The following UBTD1 variants were observed in gnomAD, a reference collection of about 807,000 sequenced individuals.
UBTD1 encodes the protein ubiquitin domain-containing protein 1.
Under a neutral mutation model 21.7 loss-of-function variants are expected in UBTD1, and 19 were observed. That is an observed-to-expected ratio of 0.87 (90% CI 0.61 to 1.28). The LOEUF is 1.28. Ranked by LOEUF, UBTD1 falls within the 50% of genes most tolerant of loss-of-function variation. The pLI, the probability that UBTD1 is intolerant of heterozygous loss-of-function variation, is 0.00. For missense variants in UBTD1, 282 were observed against 315.1 expected, an observed-to-expected ratio of 0.89 and a Z score of 0.80; for synonymous variants, 116 against 135.1, an observed-to-expected ratio of 0.86 and a Z score of 0.98.
intron 1 of UBTD1, among the ~76,000 whole-genome samples, chr10:97,528,879 C>T (rs1248302939): frequency 6.3e-5 from 9 of 143,600 alleles, no homozygotes; most frequent in Non-Finnish European, 9.2e-5. Context: ...CCGGATGGGG[C>T]GGCTGGCCGG....
chr10:97,544,204 A>C (rs557357573), intron 1 of UBTD1, among the ~76,000 whole-genome samples: 169 of 151,962 alleles, frequency 1.1e-3, no homozygotes, highest in African/African-American at 4.0e-3. Context: ...GAGGCAGGAG[A>C]ATCTCTTGAA....
chr10:97,546,363 C>T (rs1439883367), intron 1 of UBTD1, among the ~76,000 whole-genome samples: 3 of 151,830 alleles, frequency 2.0e-5, no homozygotes, highest in Non-Finnish European at 2.9e-5. Flanking sequence ...CTGAAGTGGG[C>T]GGATCACTTG....
chr10:97,503,066 ACCACCACGCCC>A (rs2040384091), intron 1 of UBTD1, among the ~76,000 whole-genome samples: 1 of 151,790 alleles, frequency 6.6e-6, no homozygotes, highest in Non-Finnish European at 1.5e-5. Flanking sequence ...AGAGGTGTGC[ACCACCACGCCC>A]AGCTAACTTT....
intron 1 of UBTD1, among the ~76,000 whole-genome samples, chr10:97,564,940 G>A (rs1168348637): frequency 6.6e-6 from 1 of 152,142 alleles, no homozygotes; most frequent in East Asian, 1.9e-4. Context: ...TCAACCAATT[G>A]CCAACCAGAA....
At chr10:97,500,982 C>T (rs1023000096) in intron 1 of UBTD1, among the ~76,000 whole-genome samples, 18 of 152,242 alleles carry the variant, frequency 1.2e-4, no homozygotes, top group African/African-American at 4.1e-4. Context: ...CTCTTATGTT[C>T]TTCCAGCTGC....
chr10:97,540,603 C>T (rs2040582908), intron 1 of UBTD1, among the ~76,000 whole-genome samples: 1 of 152,222 alleles, frequency 6.6e-6, no homozygotes, highest in East Asian at 1.9e-4. Flanking sequence ...TTATTAGCCC[C>T]ATTTTCTAGA....
At chr10:97,544,099 T>A (rs1160510036) in intron 1 of UBTD1, among the ~76,000 whole-genome samples, 1 of 151,984 alleles carries the variant, frequency 6.6e-6, no homozygotes, top group East Asian at 1.9e-4. Flanking sequence ...CTGGCCAACA[T>A]GGTGAAACCC....
At chr10:97,541,820 C>T (rs758770775) in intron 1 of UBTD1, among the ~76,000 whole-genome samples, 3 of 150,712 alleles carry the variant, frequency 2.0e-5, no homozygotes, top group Non-Finnish European at 4.4e-5. Context: ...CTGCAACCTC[C>T]GCCTCCCTAG....
At chr10:97,545,434 GT>G (rs1175028527) in intron 1 of UBTD1, among the ~76,000 whole-genome samples, 451 of 3,990 alleles carry the variant, frequency 0.11, 1 homozygote, top group African/African-American at 0.19. Context: ...GTGTGTGGGT[GT>G]GTGTGTGTGT....
chr10:97,551,448 T>C (rs1255175373), intron 1 of UBTD1, among the ~76,000 whole-genome samples: 5 of 152,258 alleles, frequency 3.3e-5, no homozygotes, highest in Non-Finnish European at 7.3e-5. Context: ...CGCATGCTTT[T>C]TGTGGGTGTG....
rs1328251791 is a variant in UBTD1, at chr10:97,499,178, G to A, written c.-26G>A. On this transcript the variant is annotated 5_prime_UTR_variant, in exon 1 of 3. Coordinates refer to ENST00000370664, the MANE Select transcript of UBTD1 (RefSeq NM_024954.5). The stretch of plus-strand genomic sequence containing the variant: ...AGCCGACCACCCCGCCGCCTCCGGT[G>A]CATGGGGACTGGCTGAGGAGCCAGC... The A allele has an allele frequency of 2.0e-6, 3 of 1,528,866 alleles. No individual in the cohort carries two copies. The highest frequency in any genetic ancestry group is 2.5e-5 in the South Asian group (2 of 81,574). 94.7% of individuals were successfully genotyped at this position (1,528,866 alleles called of 1,614,324 possible).
intron 1 of UBTD1, among the ~76,000 whole-genome samples, chr10:97,522,475 T>A (rs748310931): frequency 3.3e-5 from 5 of 152,218 alleles, no homozygotes; most frequent in Non-Finnish European, 7.3e-5. Flanking sequence ...TTTCCTGTTA[T>A]AGCTCTTGGG....
intron 1 of UBTD1, among the ~76,000 whole-genome samples, chr10:97,535,155 C>G (rs2040554136): frequency 6.6e-6 from 1 of 152,172 alleles, no homozygotes; most frequent in African/African-American, 2.4e-5. Context: ...CCCAAGAAAC[C>G]AAGTCACAGA....
chr10:97,541,459 C>T (rs561718688), intron 1 of UBTD1, among the ~76,000 whole-genome samples: 1 of 152,192 alleles, frequency 6.6e-6, no homozygotes, highest in Admixed American at 6.5e-5. Context: ...GCCTGGATGA[C>T]AGAGCAAGAC....
At chr10:97,553,379 C>T (rs1333210783) in intron 1 of UBTD1, among the ~76,000 whole-genome samples, 1 of 152,254 alleles carries the variant, frequency 6.6e-6, no homozygotes, top group Non-Finnish European at 1.5e-5. Flanking sequence ...GATCCACCTG[C>T]CTCAGCCTCC....
intron 1 of UBTD1, among the ~76,000 whole-genome samples, chr10:97,542,866 G>T (rs1054104750): frequency 6.6e-6 from 1 of 152,212 alleles, no homozygotes; most frequent in Non-Finnish European, 1.5e-5. Flanking sequence ...TAGAACCCTC[G>T]CAGAGGCCTC....
At chr10:97,542,228 C>T (rs2040590466) in intron 1 of UBTD1, among the ~76,000 whole-genome samples, 1 of 152,200 alleles carries the variant, frequency 6.6e-6, no homozygotes, top group South Asian at 2.1e-4. Context: ...GATGCGTCCT[C>T]TACAGCCAGA....
At chr10:97,506,048 C>T (rs577072417) in intron 1 of UBTD1, among the ~76,000 whole-genome samples, 4 of 152,204 alleles carry the variant, frequency 2.6e-5, no homozygotes, top group East Asian at 1.9e-4. Flanking sequence ...GAGTTCATAC[C>T]GGTGTGTACA....
intron 1 of UBTD1, among the ~76,000 whole-genome samples, chr10:97,548,500 G>C (rs764787762): frequency 2.0e-5 from 3 of 152,176 alleles, no homozygotes; most frequent in African/African-American, 4.8e-5. Flanking sequence ...TGGCAGGATA[G>C]AACCCTAGAG....
Sources: gnomAD v4.1 joint callset for allele counts (sites outside exome capture counted in the v4.1 genomes callset) on GRCh38, gnomAD v4.1.1 for gene constraint, MANE v1.5 for transcripts, NCBI Gene and HGNC (gene_info 2026-07-23, HGNC 2026-07-21) for gene names.